The following PCYT2 variants were observed in gnomAD, a reference collection of about 807,000 sequenced individuals.
The protein encoded by PCYT2 is ethanolamine-phosphate cytidylyltransferase.
In PCYT2, 33 loss-of-function variants were observed where a neutral mutation model predicts 50.0. The observed-to-expected ratio is 0.66, with a 90% CI of 0.50 to 0.88. The LOEUF (loss-of-function observed/expected upper bound fraction) is 0.88, where lower values mean the gene tolerates loss of function less well. Among genes scored for constraint, PCYT2 ranks in the 40% least tolerant of loss-of-function variants. The pLI is 0.00. For synonymous variants in PCYT2, 240 were observed against 203.7 expected, an observed-to-expected ratio of 1.18 and a Z score of -1.52; for missense variants, 430 against 519.7, an observed-to-expected ratio of 0.83 and a Z score of 1.68.
At chr17:81,907,080 C>T in intron 6 of PCYT2, 182 bp from the exon 7 acceptor site, 1 of 1,049,804 alleles carries the variant, frequency 9.5e-7, no homozygotes, top group Non-Finnish European at 1.4e-6. Flanking sequence ...ACAACCACAG[C>T]AGGCACCGCA....
At position 81,902,779 on chromosome 17, in the gene PCYT2, C is replaced by T. The variant is rs1210331376; in HGVS notation, c.*2054G>A. Reference sequence around the variant, plus strand: ...GACCTCTCCTGGCACCGCTGGGGGCCCCCCGCCCCCACCGTCCCACTCGGT... The same window carrying T: ...GACCTCTCCTGGCACCGCTGGGGGCTCCCCGCCCCCACCGTCCCACTCGGT... On this transcript the variant is annotated 3_prime_UTR_variant, in exon 13 of 13. Coordinates refer to ENST00000538936, the MANE Select transcript of PCYT2 (RefSeq NM_002861.5). 1 of 1,575,864 alleles carries T rather than the reference C, an allele frequency of 6.3e-7. No homozygotes were observed. Among genetic ancestry groups the T allele is most frequent in the Non-Finnish European group, 8.6e-7 (1 of 1,163,710 alleles).
In PCYT2 at chr17:81,905,418, T is replaced by C; in HGVS notation, c.933A>G (p.Glu311=). 1 of 1,566,180 alleles carries C rather than the reference T, an allele frequency of 6.4e-7. No individual in the cohort carries two copies. Among genetic ancestry groups the C allele is most frequent in the Non-Finnish European group, 8.7e-7 (1 of 1,155,342 alleles). ...CGGAGCCATCCCTGTCAGGGATAAT[T>C]TCTGTCTTGCCGTGACACACCAGGT... ...KVDLVCHGKT[E]IIPDRDGSDP... The change falls in exon 11 of 13, where the codon GAA becomes GAG. Residue 311 remains glutamate, a synonymous_variant. Coordinates refer to ENST00000538936, the MANE Select transcript of PCYT2 (RefSeq NM_002861.5).
In PCYT2 at chr17:81,902,705, A is replaced by G. The variant is rs2040006224; in HGVS notation, c.*2128T>C. Reference sequence around the variant, plus strand: ...CGCGGGACCTACCAGTGCAAGGCGAACGTCTTCCTGTCCCTGCGCGCAGCC... The same window carrying G: ...CGCGGGACCTACCAGTGCAAGGCGAGCGTCTTCCTGTCCCTGCGCGCAGCC... On this transcript the variant is annotated 3_prime_UTR_variant, in exon 13 of 13. Coordinates refer to ENST00000538936, the MANE Select transcript of PCYT2 (RefSeq NM_002861.5). The G allele has an allele frequency of 6.2e-7, 1 of 1,609,016 alleles. No individual in the cohort carries two copies.
intron 1 of PCYT2, among the ~76,000 whole-genome samples, chr17:81,910,110 C>T (rs867599532): frequency 6.6e-6 from 1 of 152,250 alleles, no homozygotes; most frequent in African/African-American, 2.4e-5. Flanking sequence ...CCTGTCTCTC[C>T]TCCCTTACGG....
chr17:81,905,974 C>T (rs557378437), intron 9 of PCYT2, 126 bp downstream of exon 9: 69 of 854,978 alleles, frequency 8.1e-5, no homozygotes, highest in South Asian at 5.5e-4. Context: ...CCACAGAACT[C>T]GGGGTGCTGG....
At position 81,911,362 on chromosome 17, in the gene PCYT2, G is replaced by C; in HGVS notation, c.-7C>G. On this transcript the variant is annotated 5_prime_UTR_variant, in exon 1 of 13. Transcript: ENST00000538936. ...CGCGCCCGTTCCGGATCATGGCCCCGCAGCGGCGGCGCGGACAGCCTGGCA... is the reference window on the plus strand; with the variant it reads ...CGCGCCCGTTCCGGATCATGGCCCCCCAGCGGCGGCGCGGACAGCCTGGCA... 1 of 1,040,712 alleles carries C rather than the reference G, an allele frequency of 9.6e-7. No homozygotes were observed. Among genetic ancestry groups the C allele is most frequent in the Non-Finnish European group, 1.1e-6 (1 of 871,608 alleles). The allele number at this position is 1,040,712 out of a possible 1,614,324, so 64.5% of individuals were successfully genotyped here.
At chr17:81,910,311 C>G (rs965263003) in intron 1 of PCYT2, among the ~76,000 whole-genome samples, 84 of 152,354 alleles carry the variant, frequency 5.5e-4, no homozygotes, top group African/African-American at 1.9e-3. Flanking sequence ...GGCCCATCCC[C>G]TCAAGTGGAC....
chr17:81,906,956 C>A, intron 6 of PCYT2, 58 bp from the exon 7 acceptor site: 1 of 1,562,282 alleles, frequency 6.4e-7, no homozygotes, highest in Non-Finnish European at 8.7e-7. Context: ...GCTGCCCTCA[C>A]CAGGTCACCA....
intron 10 of PCYT2, 51 bp downstream of exon 10, chr17:81,905,619 C>G: frequency 6.4e-7 from 1 of 1,570,628 alleles, no homozygotes. Context: ...CCAGCCCATG[C>G]AGGAACAGAG....
rs139240273 is a variant in PCYT2, at chr17:81,905,130, G to C, written c.994C>G (p.Arg332Gly). Reference protein sequence around the residue: ...YQEPKRRGIFRQIDSGSNLTT... With the variant: ...YQEPKRRGIFGQIDSGSNLTT... Reference sequence around the variant, plus strand: ...AGGTTGCTGCCACTGTCAATCTGACGGAAGATGCCCCTTCTCTTGGGCTCC... The same window carrying C: ...AGGTTGCTGCCACTGTCAATCTGACCGAAGATGCCCCTTCTCTTGGGCTCC... The change falls in exon 12 of 13, where the codon CGT (arginine) becomes GGT (glycine). Residue 332 changes from arginine (R) to glycine (G), a missense_variant. Arg to Gly is a moderately radical substitution (Grantham distance 125, BLOSUM62 -2). Transcript: ENST00000538936. 7 of 1,613,128 alleles carry C rather than the reference G, an allele frequency of 4.3e-6. No homozygotes were observed. Among genetic ancestry groups the C allele is most frequent in the Non-Finnish European group, 5.9e-6 (7 of 1,179,864 alleles).
chr17:81,908,606 C>T lies in PCYT2; in HGVS notation c.369G>A (p.Arg123=). 2 of 1,613,648 alleles carry T rather than the reference C, an allele frequency of 1.2e-6. No homozygotes were observed. The highest frequency in any genetic ancestry group is 2.2e-5 in the East Asian group (1 of 44,884). ...CCTGCTTTACTTCCTCATAGGTGTCCCGGCCATCTACAGTCAGGGTGATGT... is the reference window on the plus strand; with the variant it reads ...CCTGCTTTACTTCCTCATAGGTGTCTCGGCCATCTACAGTCAGGGTGATGT... ...GNDITLTVDG[R]DTYEEVKQAG... The change falls in exon 4 of 13, where the codon CGG becomes CGA. Residue 123 remains arginine (R), a synonymous_variant. Transcript: ENST00000538936.
rs764580925 is a variant in PCYT2, at chr17:81,902,776, G to T, written c.*2057C>A. ...CCGGACCTCTCCTGGCACCGCTGGGGGCCCCCCGCCCCCACCGTCCCACTC... is the reference window on the plus strand; with the variant it reads ...CCGGACCTCTCCTGGCACCGCTGGGTGCCCCCCGCCCCCACCGTCCCACTC... On this transcript the variant is annotated 3_prime_UTR_variant, in exon 13 of 13. Transcript: ENST00000538936. 2.5e-6 allele frequency: 4 copies of T among 1,581,996 alleles called. No individual in the cohort carries two copies. The highest frequency in any genetic ancestry group is 3.4e-6 in the Non-Finnish European group (4 of 1,167,148).
intron 4 of PCYT2, 91 bp downstream of exon 4, chr17:81,908,477 C>G (rs1421894589): frequency 1.0e-6 from 1 of 990,704 alleles, no homozygotes; most frequent in Non-Finnish European, 1.6e-6. Context: ...GGACGCTCCC[C>G]TCACGGGCTC....
chr17:81,901,762 G>C lies in PCYT2; in HGVS notation c.*3071C>G, dbSNP rs904070779. 4 of 152,454 alleles carry C rather than the reference G, an allele frequency of 2.6e-5. No individual in the cohort carries two copies. Among genetic ancestry groups the C allele is most frequent in the Non-Finnish European group, 4.4e-5 (3 of 68,208 alleles). 9.4% of individuals were successfully genotyped at this position (152,454 alleles called of 1,614,324 possible). A position where few individuals can be genotyped will look rare whatever the true frequency, so the allele number is the denominator to read the frequency against. On this transcript the variant is annotated 3_prime_UTR_variant, in exon 13 of 13. Transcript: ENST00000538936. ...AGAGGACCCCGCCAGTAACAGCCCT[G>C]CTGGTGGAACCTTCCCCAGTGGGCA...
chr17:81,907,246 C>A (rs1467390170), intron 6 of PCYT2: 2 of 1,534,008 alleles, frequency 1.3e-6, no homozygotes, highest in Admixed American at 2.0e-5. Context: ...CGGCGGGTAT[C>A]GGGTGAGGGG....
At chr17:81,910,850 C>T (rs1315487617) in intron 1 of PCYT2, 1 of 984,646 alleles carries the variant, frequency 1.0e-6, no homozygotes, top group Non-Finnish European at 1.2e-6. Flanking sequence ...ACCCGGGAGC[C>T]CGCGGGCTTC....
chr17:81,902,506 C>A lies in PCYT2; in HGVS notation c.*2327G>T. On this transcript the variant is annotated 3_prime_UTR_variant, in exon 13 of 13. Coordinates refer to ENST00000538936, the MANE Select transcript of PCYT2 (RefSeq NM_002861.5). ...CGGCGCCTCCCCGGAGCTGCAACTG[C>A]ACCCCAGGCTGCGGAGCCTCGTGAG... 7.0e-7 allele frequency: 1 copy of A among 1,433,138 alleles called. No homozygotes were observed. The highest frequency in any genetic ancestry group is 1.4e-5 in the South Asian group (1 of 70,646). The allele number at this position is 1,433,138 out of a possible 1,614,324, so 88.8% of individuals were successfully genotyped here.
chr17:81,906,799 C>T lies in PCYT2; in HGVS notation c.637G>A (p.Glu213Lys), dbSNP rs540973843. ...GCACCAGCCACATAGATGACTGTCTCCCCTGGCTGGGGCTCCTTCCCAGAA... is the reference window on the plus strand; with the variant it reads ...GCACCAGCCACATAGATGACTGTCTTCCCTGGCTGGGGCTCCTTCCCAGAA... Reference protein sequence around the residue: ...FASGKEPQPGETVIYVAGAFD... With the variant: ...FASGKEPQPGKTVIYVAGAFD... The change falls in exon 7 of 13, where the codon GAG (glutamate) becomes AAG (lysine). Residue 213 changes from glutamate (E) to lysine (K), a missense_variant. By Grantham distance (56) the Glu-to-Lys change is moderately conservative (BLOSUM62 1). Transcript: ENST00000538936. The T allele has an allele frequency of 6.2e-6, 10 of 1,613,444 alleles. No individual in the cohort carries two copies. The Admixed American group carries it at 1.0e-4, about 16-fold the overall frequency.
At position 81,903,609 on chromosome 17, in the gene PCYT2, G is replaced by A. The variant is rs1362940921; in HGVS notation, c.*1224C>T. 2 of 152,382 alleles carry A rather than the reference G, an allele frequency of 1.3e-5. No individual in the cohort carries two copies. Among genetic ancestry groups the A allele is most frequent in the African/African-American group, 2.4e-5 (1 of 41,472 alleles). The allele number at this position is 152,382 out of a possible 1,614,324, so 9.4% of individuals were successfully genotyped here. ...TGGCACCACCCCACTCCTGAAAGCG[G>A]GGGCCTGGCAGGATGAGGATGGCCT... On this transcript the variant is annotated 3_prime_UTR_variant, in exon 13 of 13. Transcript: ENST00000538936.
Sources: allele counts gnomAD v4.1 joint callset (sites outside exome capture counted in the v4.1 genomes callset), GRCh38; gene constraint gnomAD v4.1.1; transcripts MANE v1.5; gene names NCBI Gene and HGNC (gene_info 2026-07-23, HGNC 2026-07-21).